The following PDCD1LG2 variants were observed in gnomAD, a reference collection of about 807,000 sequenced individuals.
PDCD1LG2 encodes the protein programmed cell death 1 ligand 2.
A neutral mutation model predicts 28.2 loss-of-function variants in PDCD1LG2; 32 were observed. The observed-to-expected ratio is 1.13, with a 90% CI of 0.86 to 1.52. PDCD1LG2 has a LOEUF of 1.52. PDCD1LG2 is among the 40% of genes most tolerant of loss of function. The pLI is 0.00. For missense variants in PDCD1LG2, 385 were observed against 323.8 expected (o/e 1.19, Z -1.45); for synonymous variants, 116 against 120.2 (o/e 0.97, Z 0.23).
intron 3 of PDCD1LG2, among the ~76,000 whole-genome samples, chr9:5,541,782 C>T (rs1820692309): frequency 6.6e-6 from 1 of 151,824 alleles, no homozygotes. Context: ...CAATGCAATC[C>T]CCATCAAAAT....
chr9:5,542,571 C>T (rs927537687), intron 3 of PDCD1LG2, among the ~76,000 whole-genome samples: 10 of 152,296 alleles, frequency 6.6e-5, no homozygotes, highest in Non-Finnish European at 8.8e-5. Context: ...AAATGACCAA[C>T]GAGCATATGG....
intron 2 of PDCD1LG2, among the ~76,000 whole-genome samples, chr9:5,524,592 C>A (rs896578114): frequency 1.3e-5 from 2 of 151,920 alleles, no homozygotes; most frequent in African/African-American, 4.8e-5. Flanking sequence ...CATTTCATGT[C>A]TCTTTAATTA....
intron 4 of PDCD1LG2, among the ~76,000 whole-genome samples, chr9:5,554,364 A>G (rs1816394808): frequency 6.6e-6 from 1 of 152,232 alleles, no homozygotes; most frequent in African/African-American, 2.4e-5. Context: ...AATACCAGCA[A>G]CAAAATAACC....
At chr9:5,511,339 G>C (rs1422285455) in intron 1 of PDCD1LG2, among the ~76,000 whole-genome samples, 3 of 152,208 alleles carry the variant, frequency 2.0e-5, no homozygotes, top group African/African-American at 7.2e-5. Context: ...GGGGACTATG[G>C]AAAGGCTTAT....
intron 1 of PDCD1LG2, among the ~76,000 whole-genome samples, chr9:5,517,186 G>A (rs112828919): frequency 3.9e-5 from 6 of 152,368 alleles, no homozygotes; most frequent in African/African-American, 1.2e-4. Context: ...TGGGAATGCT[G>A]GGGTAGGGTT....
intron 5 of PDCD1LG2, among the ~76,000 whole-genome samples, chr9:5,560,392 C>T (rs116251215): frequency 0.021 from 3,268 of 152,286 alleles, 116 homozygotes; most frequent in African/African-American, 0.075. Context: ...CTGTCTACTC[C>T]GGCCATGCAG....
At chr9:5,525,762 G>C (rs539581364) in intron 2 of PDCD1LG2, among the ~76,000 whole-genome samples, 2 of 151,884 alleles carry the variant, frequency 1.3e-5, no homozygotes, top group Non-Finnish European at 2.9e-5. Context: ...AAAAAGTAAA[G>C]AAGAGGCCGG....
intron 3 of PDCD1LG2, among the ~76,000 whole-genome samples, chr9:5,543,598 G>A (rs185674687): frequency 5.2e-4 from 79 of 151,114 alleles, no homozygotes; most frequent in African/African-American, 1.7e-3. Context: ...CAAGGGCAGA[G>A]GAAGGAAACA....
rs1816735576 is a variant in PDCD1LG2, at chr9:5,569,740, C to CTG, written c.817-213_817-212insGT. On this transcript the variant is annotated intron_variant, in intron 6 of 6. Coordinates refer to ENST00000397747, the MANE Select transcript of PDCD1LG2 (RefSeq NM_025239.4). The surrounding 1 kb of genome is among the most constrained non-coding windows in gnomAD (Gnocchi z 4.1). ...CCCAAAGAATGGAAGAGGAACAGCT[C>CTG]TTGCAATAGGTCTGAGGAGAGAAGC... 6.6e-6 allele frequency among the ~76,000 whole-genome samples: 1 copy of CTG among 152,158 alleles called. No homozygotes were observed. Among genetic ancestry groups the CTG allele is most frequent in the Non-Finnish European group, 1.5e-5 (1 of 68,036 alleles).
Position 5,534,747 on chromosome 9 carries a change from T to TTA in PDCD1LG2, c.60_61dup (p.Phe21TyrfsTer4), listed in dbSNP as rs1383177629. 1 of 1,594,304 alleles carries TTA rather than the reference T, an allele frequency of 6.3e-7. No individual in the cohort carries two copies. The highest frequency in any genetic ancestry group is 8.6e-7 in the Non-Finnish European group (1 of 1,167,596). ...AAAATATCTTGTTTTCTTTTCAGCT[T>TTA]TATTCACAGTGACAGTCCCTAAGGA... On this transcript the variant is annotated frameshift_variant, in exon 3 of 7. Transcript: ENST00000397747. LOFTEE classifies it high-confidence loss of function.
chr9:5,552,484 C>T (rs1326329468), intron 4 of PDCD1LG2, among the ~76,000 whole-genome samples: 3 of 152,156 alleles, frequency 2.0e-5, no homozygotes. Context: ...AGGGGCCAAC[C>T]TGCAGCACTG....
chr9:5,545,537 C>G lies in PDCD1LG2; in HGVS notation c.362-3798C>G, dbSNP rs1383292997. Among the ~76,000 whole-genome samples, 5 of 152,180 alleles carry G rather than the reference C, an allele frequency of 3.3e-5. No individual in the cohort carries two copies. The East Asian group carries it at 9.6e-4, about 29-fold the overall frequency. On this transcript the variant is annotated intron_variant, in intron 3 of 6. Transcript: ENST00000397747. ...AGAAGAAAAATATTACTAAAGATAA[C>G]AAGGGACACTTCATAATGATAAAAG...
At chr9:5,548,267 C>T (rs1816252805) in intron 3 of PDCD1LG2, among the ~76,000 whole-genome samples, 1 of 152,138 alleles carries the variant, frequency 6.6e-6, no homozygotes, top group Non-Finnish European at 1.5e-5. Context: ...TCTTTTTGTG[C>T]CTGGCTTACT....
chr9:5,516,195 A>G (rs1172539023), intron 1 of PDCD1LG2, among the ~76,000 whole-genome samples: 1 of 151,766 alleles, frequency 6.6e-6, no homozygotes, highest in Non-Finnish European at 1.5e-5. Flanking sequence ...GGTATTACAG[A>G]CACCCACCAC....
At chr9:5,522,663 C>A (rs2129727589) in intron 2 of PDCD1LG2, 62 bp downstream of exon 2, 1 of 1,498,312 alleles carries the variant, frequency 6.7e-7, no homozygotes, top group Non-Finnish European at 9.2e-7. Flanking sequence ...CTAGCCAAAG[C>A]CAAAAATGAG....
At chr9:5,539,661 A>G (rs563467420) in intron 3 of PDCD1LG2, among the ~76,000 whole-genome samples, 53 of 152,326 alleles carry the variant, frequency 3.5e-4, no homozygotes, top group African/African-American at 1.1e-3. Context: ...GAGAGGCCCC[A>G]GGAGCCCAGG....
Position 5,569,487 on chromosome 9 carries a change from C to G in PDCD1LG2, c.817-467C>G, listed in dbSNP as rs1233311043. ...TAGATACCCCAACCTCTCTCTCAACCCACTGCAACACTCTTTTTCCCCTAG... is the reference window on the plus strand; with the variant it reads ...TAGATACCCCAACCTCTCTCTCAACGCACTGCAACACTCTTTTTCCCCTAG... On this transcript the variant is annotated intron_variant, in intron 6 of 6. Transcript: ENST00000397747. The surrounding 1 kb of genome is among the most constrained non-coding windows in gnomAD (Gnocchi z 4.1). 6.6e-6 allele frequency among the ~76,000 whole-genome samples: 1 copy of G among 152,132 alleles called. No individual in the cohort carries two copies. Among genetic ancestry groups the G allele is most frequent in the East Asian group, 1.9e-4 (1 of 5,200 alleles).
intron 1 of PDCD1LG2, among the ~76,000 whole-genome samples, chr9:5,513,429 T>C (rs905679246): frequency 1.3e-5 from 2 of 152,268 alleles, no homozygotes; most frequent in African/African-American, 4.8e-5. Flanking sequence ...ACATCAGTTT[T>C]ACTATTTTTC....
At chr9:5,565,799 AC>A (rs1285107754) in intron 6 of PDCD1LG2, among the ~76,000 whole-genome samples, 5 of 152,302 alleles carry the variant, frequency 3.3e-5, no homozygotes, top group African/African-American at 7.2e-5. Flanking sequence ...ATACTAAAAA[AC>A]AATATTAAAA....
Sources: allele counts gnomAD v4.1 joint callset (sites outside exome capture counted in the v4.1 genomes callset), GRCh38; gene constraint gnomAD v4.1.1; non-coding constraint Gnocchi (gnomAD v3.1); transcripts MANE v1.5; gene names NCBI Gene and HGNC (gene_info 2026-07-23, HGNC 2026-07-21).